Variants in EIF2AK4 observed in about 807,000 individuals in gnomAD.
The protein encoded by EIF2AK4 is eIF-2-alpha kinase GCN2.
In EIF2AK4, 139 loss-of-function variants were observed where a neutral mutation model predicts 211.1. The observed-to-expected ratio is 0.66, with a 90% CI of 0.57 to 0.76. The LOEUF (loss-of-function observed/expected upper bound fraction) is 0.76. Among genes scored for constraint, EIF2AK4 ranks in the 30% least tolerant of loss-of-function variants. The pLI is 0.00. For missense variants in EIF2AK4, 1,664 were observed against 2,043.8 expected, an observed-to-expected ratio of 0.81 and a Z score of 3.58; for synonymous variants, 710 against 751.3, an observed-to-expected ratio of 0.94 and a Z score of 0.90.
chr15:39,934,259 C>A lies in EIF2AK4; in HGVS notation c.64C>A (p.Arg22=), dbSNP rs2034029417. Residue 22 remains arginine, a synonymous_variant, in exon 1 of 39, where the codon CGA becomes AGA. Coordinates refer to ENST00000263791, the MANE Select transcript of EIF2AK4 (RefSeq NM_001013703.4). ...CGAGCCTCCGGAGAGCTACCCGCAA[C>A]GACAGGACCACGAGCTACAGGCCCT... The part of the protein sequence containing the change: ...RDEPPESYPQ[R]QDHELQALEA... 2 of 1,610,870 alleles carry A rather than the reference C, an allele frequency of 1.2e-6. No individual in the cohort carries two copies. Among genetic ancestry groups the A allele is most frequent in the South Asian group, 1.1e-5 (1 of 90,628 alleles).
chr15:40,020,939 G>A lies in EIF2AK4; in HGVS notation c.4214G>A (p.Gly1405Asp), dbSNP rs753911187. The change falls in exon 31 of 39, where the codon GGC (glycine) becomes GAC (aspartate). Residue 1405 changes from glycine (G) to aspartate (D), a missense_variant. Transcript: ENST00000263791. ...SSCDLLVVSV[G>D]QMSMSRAINL... ...TGTGACCTCCTGGTTGTAAGTGTTG[G>A]CCAGATGTCTATGTCCAGGGCCATC... 1.9e-6 allele frequency: 3 copies of A among 1,612,892 alleles called. No individual in the cohort carries two copies. The highest frequency in any genetic ancestry group is 1.1e-5 in the South Asian group (1 of 90,820).
chr15:39,953,150 G>C (rs532097213), intron 4 of EIF2AK4, among the ~76,000 whole-genome samples: 1 of 152,286 alleles, frequency 6.6e-6, no homozygotes, highest in Admixed American at 6.5e-5. Context: ...CCTGCCGGGA[G>C]TCTGTAGTTT....
At chr15:39,979,681 T>C (rs987119924) in intron 13 of EIF2AK4, among the ~76,000 whole-genome samples, 1 of 152,200 alleles carries the variant, frequency 6.6e-6, no homozygotes, top group African/African-American at 2.4e-5. Flanking sequence ...AAACTGAAAA[T>C]CAATTTTACT....
chr15:39,948,187 G>T (rs904036790), intron 3 of EIF2AK4, among the ~76,000 whole-genome samples: 1 of 152,128 alleles, frequency 6.6e-6, no homozygotes, highest in African/African-American at 2.4e-5. Context: ...GATACCAAAT[G>T]AACTAACTTT....
In EIF2AK4 at chr15:40,020,943, G is replaced by C. The variant is rs55721315; in HGVS notation, c.4218G>C (p.Gln1406His). 2 of 1,613,142 alleles carry C rather than the reference G, an allele frequency of 1.2e-6. No homozygotes were observed. The highest frequency in any genetic ancestry group is 8.5e-7 in the Non-Finnish European group (1 of 1,179,576). Reference protein sequence around the residue: ...SCDLLVVSVGQMSMSRAINLT... With the variant: ...SCDLLVVSVGHMSMSRAINLT... ...ACCTCCTGGTTGTAAGTGTTGGCCA[G>C]ATGTCTATGTCCAGGGCCATCAACC... The change falls in exon 31 of 39, where the codon CAG becomes CAC. Residue 1406 changes from glutamine to histidine, a missense_variant. Gln to His is a conservative substitution (Grantham distance 24). Coordinates refer to ENST00000263791, the MANE Select transcript of EIF2AK4 (RefSeq NM_001013703.4).
intron 27 of EIF2AK4, among the ~76,000 whole-genome samples, chr15:40,011,730 A>G (rs975243908): frequency 6.6e-6 from 1 of 152,192 alleles, no homozygotes; most frequent in African/African-American, 2.4e-5. Flanking sequence ...GAATTCTGCA[A>G]ATTCATCTGG....
At chr15:39,993,442 G>A (rs2034978448) in intron 18 of EIF2AK4, among the ~76,000 whole-genome samples, 1 of 152,242 alleles carries the variant, frequency 6.6e-6, no homozygotes, top group African/African-American at 2.4e-5. Context: ...ATTGACCAGG[G>A]AAGATCTCTT....
intron 27 of EIF2AK4, among the ~76,000 whole-genome samples, chr15:40,014,057 G>T (rs1423046892): frequency 6.6e-6 from 1 of 152,170 alleles, no homozygotes; most frequent in Non-Finnish European, 1.5e-5. Flanking sequence ...GGGGCTAAAG[G>T]CCCCATGCAA....
At chr15:39,938,042 G>C (rs1056695426) in intron 1 of EIF2AK4, among the ~76,000 whole-genome samples, 1 of 152,146 alleles carries the variant, frequency 6.6e-6, no homozygotes, top group Non-Finnish European at 1.5e-5. Flanking sequence ...CCACATTTAA[G>C]TATATACCCT....
intron 37 of EIF2AK4, among the ~76,000 whole-genome samples, chr15:40,033,429 A>G (rs2035569584): frequency 6.6e-6 from 1 of 152,184 alleles, no homozygotes. Context: ...TTTATCATCA[A>G]ATAGCCTAAA....
chr15:39,938,166 A>G (rs1348518611), intron 1 of EIF2AK4, among the ~76,000 whole-genome samples: 2 of 152,224 alleles, frequency 1.3e-5, no homozygotes, highest in Non-Finnish European at 2.9e-5. Context: ...CTGAAGTTCC[A>G]TGAGAGCTGG....
chr15:40,011,458 C>T (rs147365572), intron 27 of EIF2AK4, 112 bp downstream of exon 27: 769 of 824,706 alleles, frequency 9.3e-4, no homozygotes, highest in Non-Finnish European at 1.3e-3. Flanking sequence ...CCTACCACCT[C>T]GCAGATGCAG....
chr15:40,002,761 A>G lies in EIF2AK4; in HGVS notation c.3208A>G (p.Thr1070Ala). Residue 1070 changes from threonine to alanine, a missense_variant, in exon 22 of 39, where the codon ACC becomes GCC. Transcript: ENST00000263791. ...CAAGATGCAGCAGCATGTGTGTGAA[A>G]CCATCATCCGCATCTTTAAAAGACA... ...TAKMQQHVCE[T>A]IIRIFKRHGA... is the part of the protein sequence containing the mutation. 1 of 1,614,186 alleles carries G rather than the reference A, an allele frequency of 6.2e-7. No homozygotes were observed. Among genetic ancestry groups the G allele is most frequent in the African/African-American group, 1.3e-5 (1 of 75,042 alleles).
intron 9 of EIF2AK4, 41 bp downstream of exon 9, chr15:39,967,920 T>G (rs751747886): frequency 6.3e-7 from 1 of 1,586,306 alleles, no homozygotes; most frequent in Non-Finnish European, 8.6e-7. Context: ...ACTTTACTCC[T>G]GTACTTTTGA....
chr15:40,023,938 G>C (rs938115739), intron 32 of EIF2AK4, among the ~76,000 whole-genome samples: 2 of 152,156 alleles, frequency 1.3e-5, no homozygotes, highest in African/African-American at 4.8e-5. Flanking sequence ...CTGTGAACTA[G>C]AAATTTTTAC....
Position 40,035,073 on chromosome 15 carries a change from A to T in EIF2AK4, c.4939A>T (p.Ile1647Phe). The change falls in exon 39 of 39, where the codon ATC (isoleucine) becomes TTC (phenylalanine). Residue 1647 changes from isoleucine (I) to phenylalanine (F), a missense_variant. Physicochemically the swap from Ile to Phe is conservative, Grantham distance 21. Transcript: ENST00000263791. Reference sequence around the variant, plus strand: ...CAGCTATAGAGATGACTACTACAGAATCTTATTTTAACCCTAAAGAACTGT... The same window carrying T: ...CAGCTATAGAGATGACTACTACAGATTCTTATTTTAACCCTAAAGAACTGT... ...LYSYRDDYYR[I>F]LF The T allele has an allele frequency of 6.3e-7, 1 of 1,581,440 alleles. No homozygotes were observed.
chr15:39,935,436 C>T (rs2034050837), intron 1 of EIF2AK4, among the ~76,000 whole-genome samples: 1 of 151,798 alleles, frequency 6.6e-6, no homozygotes, highest in African/African-American at 2.4e-5. Context: ...CTCAAGCAAT[C>T]CTTCTGCCTC....
Position 39,997,386 on chromosome 15 carries a change from C to A in EIF2AK4, c.2868+321C>A, listed in dbSNP as rs977542601. 2.0e-5 allele frequency among the ~76,000 whole-genome samples: 3 copies of A among 152,296 alleles called. No individual in the cohort carries two copies. In the South Asian group the frequency reaches 6.2e-4, roughly 32 times the overall value. ...CAGTGAGGTAAATGGAACCCTACCT[C>A]TGATGATGGGAAACTTGCCCCAGTT... On this transcript the variant is annotated intron_variant, in intron 19 of 38. Transcript: ENST00000263791.
intron 9 of EIF2AK4, among the ~76,000 whole-genome samples, chr15:39,971,975 G>A (rs986349944): frequency 1.3e-5 from 2 of 152,120 alleles, no homozygotes; most frequent in Non-Finnish European, 2.9e-5. Flanking sequence ...TAAAGGTATG[G>A]CTTGTTTTTC....
Sources: gnomAD v4.1 joint callset for allele counts (sites outside exome capture counted in the v4.1 genomes callset) on GRCh38, gnomAD v4.1.1 for gene constraint, MANE v1.5 for transcripts, NCBI Gene and HGNC (gene_info 2026-07-23, HGNC 2026-07-21) for gene names.